The following HECW1 variants were observed in gnomAD, a reference collection of about 807,000 sequenced individuals.
The protein encoded by HECW1 is HECT, C2 and WW domain containing E3 ubiquitin protein ligase 1.
A neutral mutation model predicts 182.3 loss-of-function variants in HECW1; 61 were observed. The observed-to-expected ratio is 0.33, with a 90% CI of 0.27 to 0.41. HECW1 has a LOEUF of 0.41. Among genes scored for constraint, HECW1 ranks in the 10% least tolerant of loss-of-function variants. The pLI is 1.00. For missense variants in HECW1, 1,739 were observed against 2,108.9 expected, an observed-to-expected ratio of 0.82 and a Z score of 3.44; for synonymous variants, 859 against 832.6, an observed-to-expected ratio of 1.03 and a Z score of -0.55.
At chr7:43,236,838 T>C (rs573332782) in intron 2 of HECW1, among the ~76,000 whole-genome samples, 15 of 152,194 alleles carry the variant, frequency 9.9e-5, no homozygotes, top group African/African-American at 3.4e-4. Flanking sequence ...ATGAGGGAGT[T>C]GTGTAGCTTT....
intron 2 of HECW1, among the ~76,000 whole-genome samples, chr7:43,162,072 T>C (rs1044284581): frequency 6.6e-6 from 1 of 152,254 alleles, no homozygotes; most frequent in Non-Finnish European, 1.5e-5. Flanking sequence ...CATAAACAAT[T>C]GGATATCCAC....
intron 14 of HECW1, among the ~76,000 whole-genome samples, chr7:43,464,845 C>T (rs1334821263): frequency 6.6e-6 from 1 of 151,998 alleles, no homozygotes; most frequent in Non-Finnish European, 1.5e-5. Context: ...CTTTTTCACC[C>T]AGGCTGGAGT....
chr7:43,308,915 C>T (rs1293370379), intron 3 of HECW1, among the ~76,000 whole-genome samples: 1 of 152,220 alleles, frequency 6.6e-6, no homozygotes, highest in Non-Finnish European at 1.5e-5. Context: ...AACCACCACT[C>T]CCAGCCATTT....
chr7:43,180,823 CAT>C (rs1174364371), intron 2 of HECW1, among the ~76,000 whole-genome samples: 7 of 152,208 alleles, frequency 4.6e-5, no homozygotes, highest in African/African-American at 1.7e-4. Flanking sequence ...TCACCTCAAA[CAT>C]ATATAATTTC....
chr7:43,379,258 C>T (rs1435295813), intron 6 of HECW1, among the ~76,000 whole-genome samples: 5 of 152,168 alleles, frequency 3.3e-5, no homozygotes, highest in African/African-American at 1.2e-4. Context: ...CTGCTTTACA[C>T]TTCCATTTTC....
At chr7:43,368,975 A>T (rs1444966052) in intron 6 of HECW1, among the ~76,000 whole-genome samples, 1 of 152,182 alleles carries the variant, frequency 6.6e-6, no homozygotes, top group Admixed American at 6.5e-5. Flanking sequence ...AATCCTTTCT[A>T]TGTTTGTAAG....
intron 2 of HECW1, among the ~76,000 whole-genome samples, chr7:43,122,502 C>T (rs1028923192): frequency 1.3e-5 from 2 of 152,198 alleles, no homozygotes; most frequent in African/African-American, 4.8e-5. Flanking sequence ...TCCTCTCCTG[C>T]TTTAGAAACA....
intron 2 of HECW1, among the ~76,000 whole-genome samples, chr7:43,158,715 C>T (rs559738827): frequency 3.9e-5 from 6 of 152,312 alleles, no homozygotes; most frequent in African/African-American, 9.6e-5. Context: ...GGCAGTCATT[C>T]CCACCCAGCT....
chr7:43,555,147 C>T (rs1421083851), intron 29 of HECW1, among the ~76,000 whole-genome samples: 3 of 152,172 alleles, frequency 2.0e-5, no homozygotes, highest in Non-Finnish European at 4.4e-5. Context: ...AGTAACCTCT[C>T]GAGCATCGTT....
intron 2 of HECW1, among the ~76,000 whole-genome samples, chr7:43,130,291 A>G (rs1206259648): frequency 1.3e-5 from 2 of 152,188 alleles, no homozygotes; most frequent in Non-Finnish European, 2.9e-5. Flanking sequence ...ATACACAATG[A>G]GGTATCTTGA....
intron 24 of HECW1, among the ~76,000 whole-genome samples, chr7:43,517,087 A>T (rs897181285): frequency 1.3e-5 from 2 of 152,198 alleles, no homozygotes; most frequent in African/African-American, 2.4e-5. Context: ...CATTTTAAGA[A>T]ACGACTACGT....
chr7:43,329,615 C>T (rs1811212424), intron 5 of HECW1, among the ~76,000 whole-genome samples: 1 of 152,104 alleles, frequency 6.6e-6, no homozygotes, highest in South Asian at 2.1e-4. Flanking sequence ...TCATCCAAGA[C>T]TGAGGGGTCA....
rs926690395 is a variant in HECW1, at chr7:43,396,461, C to A, written c.556-353C>A. 2.0e-5 allele frequency among the ~76,000 whole-genome samples: 3 copies of A among 152,196 alleles called. No individual in the cohort carries two copies. In the East Asian group the frequency reaches 5.8e-4, roughly 29 times the overall value. ...AATTACAATAGTAAACATCTATTGA[C>A]CTATCATTCTAGTGCCTTAGGCCCT... is the stretch of plus-strand genomic sequence containing the variant. On this transcript the variant is annotated intron_variant, in intron 6 of 29. Transcript: ENST00000395891.
intron 15 of HECW1, 52 bp from the exon 16 acceptor site, chr7:43,468,866 CTA>C: frequency 6.5e-7 from 1 of 1,534,366 alleles, no homozygotes; most frequent in East Asian, 2.3e-5. Flanking sequence ...TGTGCTTGCT[CTA>C]TGTTTTTCCT....
intron 3 of HECW1, among the ~76,000 whole-genome samples, chr7:43,261,082 A>G (rs998307135): frequency 6.6e-6 from 1 of 152,202 alleles, no homozygotes; most frequent in African/African-American, 2.4e-5. Context: ...GTGTGGCTCC[A>G]GGGAACAAGT....
At chr7:43,397,743 G>A (rs1382655208) in intron 7 of HECW1, among the ~76,000 whole-genome samples, 1 of 152,192 alleles carries the variant, frequency 6.6e-6, no homozygotes, top group Non-Finnish European at 1.5e-5. Flanking sequence ...AGTGGGGCAG[G>A]AACAGATCAC....
At chr7:43,247,780 A>AG (rs1304238815) in intron 3 of HECW1, among the ~76,000 whole-genome samples, 1 of 128,098 alleles carries the variant, frequency 7.8e-6, no homozygotes, top group Non-Finnish European at 1.6e-5. Context: ...AAAAAGAGAG[A>AG]GAAAAAAAGA....
At chr7:43,383,090 G>A (rs945578210) in intron 6 of HECW1, among the ~76,000 whole-genome samples, 7 of 152,130 alleles carry the variant, frequency 4.6e-5, no homozygotes, top group Non-Finnish European at 4.4e-5. Context: ...CTTCATCCAC[G>A]TACCTGCAAA....
At chr7:43,539,242 G>C (rs2081280999) in intron 24 of HECW1, among the ~76,000 whole-genome samples, 1 of 152,118 alleles carries the variant, frequency 6.6e-6, no homozygotes, top group Non-Finnish European at 1.5e-5. Flanking sequence ...ATCTTTTCCA[G>C]GTTCCACTTT....
Sources: allele counts gnomAD v4.1 joint callset (sites outside exome capture counted in the v4.1 genomes callset), GRCh38; gene constraint gnomAD v4.1.1; transcripts MANE v1.5; gene names NCBI Gene and HGNC (gene_info 2026-07-23, HGNC 2026-07-21).